Variants in MSRA observed in about 807,000 individuals in gnomAD.
MSRA encodes the protein methionine sulfoxide reductase A, also known as mitochondrial peptide methionine sulfoxide reductase.
MSRA carries 54 observed loss-of-function variants against 31.3 expected under a neutral mutation model. That is an observed-to-expected ratio of 1.73 (90% CI 1.39 to 2.17). MSRA has a LOEUF of 2.17. Ranked by LOEUF, MSRA falls within the 30% of genes most tolerant of loss-of-function variation. The pLI, the probability that MSRA is intolerant of heterozygous loss-of-function variation, is 0.00. For missense variants in MSRA, 507 were observed against 300.9 expected (o/e 1.69, Z -5.07); for synonymous variants, 169 against 116.5 (o/e 1.45, Z -2.90).
At chr8:10,394,771 T>A (rs981471419) in intron 5 of MSRA, among the ~76,000 whole-genome samples, 5 of 152,224 alleles carry the variant, frequency 3.3e-5, no homozygotes, top group Non-Finnish European at 7.3e-5. Context: ...AGCAAGACAC[T>A]AGGAGGCACA....
At chr8:10,328,124 C>T (rs1802482875) in intron 5 of MSRA, among the ~76,000 whole-genome samples, 1 of 143,538 alleles carries the variant, frequency 7.0e-6, no homozygotes, top group African/African-American at 2.6e-5. Context: ...GACTCCAGAT[C>T]CCCATAACAA....
intron 1 of MSRA, among the ~76,000 whole-genome samples, chr8:10,094,780 CTTAT>C (rs896257676): frequency 1.3e-5 from 2 of 152,260 alleles, no homozygotes; most frequent in African/African-American, 4.8e-5. Flanking sequence ...GCAAACAGTA[CTTAT>C]TTATGCTTAT....
chr8:10,335,730 C>G lies in MSRA; in HGVS notation c.543+15741C>G, dbSNP rs371996438. Among the ~76,000 whole-genome samples, 39 of 152,342 alleles carry G rather than the reference C, an allele frequency of 2.6e-4. 1 individual carries two copies. The South Asian group carries it at 4.1e-3, about 16-fold the overall frequency. ...GAGCCTTCAATCCCCAGAGGGAGGG[C>G]ACCCACTGCGATTTGGCTGTGGTTG... On this transcript the variant is annotated intron_variant, in intron 5 of 5. Coordinates refer to ENST00000317173, the MANE Select transcript of MSRA (RefSeq NM_012331.5).
intron 1 of MSRA, among the ~76,000 whole-genome samples, chr8:10,128,821 C>G (rs964758801): frequency 2.0e-5 from 3 of 152,190 alleles, no homozygotes; most frequent in African/African-American, 4.8e-5. Context: ...CAGATATTTA[C>G]TAAATGTTTA....
chr8:10,384,602 C>T (rs140209490), intron 5 of MSRA, among the ~76,000 whole-genome samples: 53 of 152,178 alleles, frequency 3.5e-4, no homozygotes, highest in South Asian at 6.2e-4. Context: ...GACACAGGCA[C>T]GAGTAGGTAT....
At chr8:10,092,477 G>C (rs936973938) in intron 1 of MSRA, among the ~76,000 whole-genome samples, 4 of 152,052 alleles carry the variant, frequency 2.6e-5, no homozygotes, top group African/African-American at 9.7e-5. Flanking sequence ...GCCAACATGT[G>C]TGAAACCCCA....
intron 1 of MSRA, among the ~76,000 whole-genome samples, chr8:10,057,924 G>A (rs781023401): frequency 3.3e-5 from 5 of 152,288 alleles, no homozygotes; most frequent in East Asian, 3.9e-4. Flanking sequence ...CACAAAGGCC[G>A]TCTTTCATGT....
intron 1 of MSRA, among the ~76,000 whole-genome samples, chr8:10,103,691 A>G (rs1799682251): frequency 6.6e-6 from 1 of 152,146 alleles, no homozygotes; most frequent in South Asian, 2.1e-4. Context: ...TTATTCCAAT[A>G]GACTGTTTTA....
chr8:10,149,938 A>G (rs1045910829), intron 1 of MSRA, among the ~76,000 whole-genome samples: 1 of 6,270 alleles, frequency 1.6e-4, no homozygotes, highest in Non-Finnish European at 5.9e-4. Context: ...TTATCTGTCA[A>G]TTTACAAATA....
At chr8:10,137,643 A>T (rs1361265134) in intron 1 of MSRA, among the ~76,000 whole-genome samples, 1 of 152,136 alleles carries the variant, frequency 6.6e-6, no homozygotes, top group African/African-American at 2.4e-5. Context: ...AACTTGTCTA[A>T]AGTGGGAGAC....
chr8:10,224,726 C>T (rs1326279944), intron 2 of MSRA, among the ~76,000 whole-genome samples: 1 of 152,192 alleles, frequency 6.6e-6, no homozygotes, highest in Non-Finnish European at 1.5e-5. Flanking sequence ...CCTCGTGGTA[C>T]AGCTGTGATC....
intron 2 of MSRA, among the ~76,000 whole-genome samples, chr8:10,228,225 G>A (rs956446447): frequency 1.3e-5 from 2 of 152,138 alleles, no homozygotes; most frequent in Non-Finnish European, 2.9e-5. Context: ...AGCTGTAGCC[G>A]GAATTGAGGG....
chr8:10,106,669 C>T (rs1235382035), intron 1 of MSRA, among the ~76,000 whole-genome samples: 2 of 152,222 alleles, frequency 1.3e-5, no homozygotes, highest in Non-Finnish European at 2.9e-5. Flanking sequence ...CCTCTGCTTC[C>T]AGATTTGTTG....
At chr8:10,308,775 G>A (rs964997145) in intron 4 of MSRA, among the ~76,000 whole-genome samples, 2 of 152,178 alleles carry the variant, frequency 1.3e-5, no homozygotes, top group African/African-American at 4.8e-5. Flanking sequence ...TGTTCCTACT[G>A]CTTAGCCTGT....
intron 1 of MSRA, among the ~76,000 whole-genome samples, chr8:10,098,337 A>G (rs1799310441): frequency 1.3e-5 from 2 of 152,176 alleles, no homozygotes; most frequent in Non-Finnish European, 2.9e-5. Context: ...CTTGATACGT[A>G]TTATTAAATT....
chr8:10,133,997 AT>A (rs1802085807), intron 1 of MSRA, among the ~76,000 whole-genome samples: 1 of 151,784 alleles, frequency 6.6e-6, no homozygotes, highest in Non-Finnish European at 1.5e-5. Context: ...TGCCTGGCTA[AT>A]TTTTGTATTT....
At chr8:10,425,448 G>T (rs1809092978) in intron 5 of MSRA, among the ~76,000 whole-genome samples, 2 of 152,260 alleles carry the variant, frequency 1.3e-5, no homozygotes, top group Admixed American at 6.5e-5. Context: ...AAGGGAGGAG[G>T]AGGAGGGGAG....
At chr8:10,083,191 G>T (rs1798379224) in intron 1 of MSRA, among the ~76,000 whole-genome samples, 1 of 152,080 alleles carries the variant, frequency 6.6e-6, no homozygotes, top group South Asian at 2.1e-4. Context: ...TTTTTAAAGG[G>T]CCCAAAAGAT....
At chr8:10,205,496 G>T (rs533509548) in intron 1 of MSRA, among the ~76,000 whole-genome samples, 4 of 152,204 alleles carry the variant, frequency 2.6e-5, no homozygotes, top group Admixed American at 2.6e-4. Context: ...GTGTAGTTTT[G>T]CGGTGTTCAG....
Sources: allele counts gnomAD v4.1 joint callset (sites outside exome capture counted in the v4.1 genomes callset), GRCh38; gene constraint gnomAD v4.1.1; transcripts MANE v1.5; gene names NCBI Gene and HGNC (gene_info 2026-07-23, HGNC 2026-07-21).